SLC4A4: variants seen among roughly 807,000 people sequenced by gnomAD.
SLC4A4 encodes the protein electrogenic sodium bicarbonate cotransporter 1.
A neutral mutation model predicts 111.5 loss-of-function variants in SLC4A4; 27 were observed. The ratio of observed to expected loss-of-function variants is 0.24; its 90% CI spans 0.18 to 0.33. The LOEUF (loss-of-function observed/expected upper bound fraction) is 0.33. Among genes scored for constraint, SLC4A4 ranks in the 10% least tolerant of loss-of-function variants. The probability of loss-of-function intolerance (pLI) is 1.00; values close to 1 mark genes in which losing one functional copy is unlikely to be tolerated. For missense variants in SLC4A4, 909 were observed against 1,315.5 expected, an observed-to-expected ratio of 0.69 and a Z score of 4.78; for synonymous variants, 443 against 463.4, an observed-to-expected ratio of 0.96 and a Z score of 0.57.
At chr4:71,302,813 G>A (rs986516875) in intron 3 of SLC4A4, among the ~76,000 whole-genome samples, 3 of 152,172 alleles carry the variant, frequency 2.0e-5, no homozygotes, top group African/African-American at 7.2e-5. Context: ...TAGGAAAAGA[G>A]GATAATGTCA....
At position 71,087,671 on chromosome 4, in the gene SLC4A4, T is replaced by G. The variant is rs1005404221; in HGVS notation, c.-64-5059T>G. On this transcript the variant is annotated intron_variant, in intron 1 of 26. Coordinates refer to the SLC4A4 transcript ENST00000649996. ...CTTCATTTTGTTATGTACCCAGTAG[T>G]CATTCAGGAGCAGGTTGTTCAGTTT... 3.3e-5 allele frequency among the ~76,000 whole-genome samples: 5 copies of G among 152,232 alleles called. No homozygotes were observed. The Middle Eastern group carries it at 0.01, about 311-fold the overall frequency.
chr4:71,274,976 G>GT (rs11394006), intron 3 of SLC4A4, among the ~76,000 whole-genome samples: 8,814 of 150,770 alleles, frequency 0.058, 733 homozygotes, highest in African/African-American at 0.18. Context: ...TGAAGATTCT[G>GT]TTTTTTTTTC....
intron 2 of SLC4A4, among the ~76,000 whole-genome samples, chr4:71,117,876 C>CT (rs35554188): frequency 0.014 from 819 of 58,646 alleles, 11 homozygotes; most frequent in African/African-American, 0.027. Context: ...AATACATTTT[C>CT]TTTTTTTTTT....
intron 2 of SLC4A4, among the ~76,000 whole-genome samples, chr4:71,134,707 C>G (rs745703390): frequency 6.6e-6 from 1 of 152,202 alleles, no homozygotes; most frequent in African/African-American, 2.4e-5. Flanking sequence ...CTCAGTAGCG[C>G]TGAGCTTTGG....
chr4:71,416,551 T>A (rs1252807558), intron 7 of SLC4A4, among the ~76,000 whole-genome samples: 2 of 152,204 alleles, frequency 1.3e-5, no homozygotes, highest in East Asian at 3.8e-4. Context: ...GGGGAATTTC[T>A]AAATCTCAAT....
chr4:71,270,785 C>T (rs1473269795), intron 3 of SLC4A4, among the ~76,000 whole-genome samples: 1 of 152,194 alleles, frequency 6.6e-6, no homozygotes. Context: ...CTCCCCTCAA[C>T]CTTTCCTTGC....
At chr4:71,379,233 T>C (rs1456787329) in intron 6 of SLC4A4, among the ~76,000 whole-genome samples, 2 of 152,228 alleles carry the variant, frequency 1.3e-5, no homozygotes, top group Non-Finnish European at 2.9e-5. Context: ...CTAGCCTGGC[T>C]AATACTTATA....
In SLC4A4 at chr4:71,327,887, T is replaced by C. The variant is rs1037165400; in HGVS notation, c.254-11483T>C. 5.3e-5 allele frequency among the ~76,000 whole-genome samples: 8 copies of C among 152,038 alleles called. No individual in the cohort carries two copies. The East Asian group carries it at 1.4e-3, about 26-fold the overall frequency. On this transcript the variant is annotated intron_variant, in intron 3 of 25. Coordinates refer to ENST00000264485, the MANE Select transcript of SLC4A4 (RefSeq NM_001098484.3). ...AAAATGTACAATAAATAATTATTCA[T>C]TGTAGTCACCCTATTGTGCTATCAA...
At chr4:71,332,164 A>T (rs1728054211) in intron 3 of SLC4A4, among the ~76,000 whole-genome samples, 1 of 151,790 alleles carries the variant, frequency 6.6e-6, no homozygotes, top group African/African-American at 2.4e-5. Context: ...TTAAAATTTC[A>T]TTTATTCATG....
At chr4:71,135,027 C>T (rs1016948769) in intron 2 of SLC4A4, among the ~76,000 whole-genome samples, 3 of 152,112 alleles carry the variant, frequency 2.0e-5, no homozygotes, top group Admixed American at 6.5e-5. Flanking sequence ...ATGAGTCCAT[C>T]GCTGGGCTCC....
intron 3 of SLC4A4, among the ~76,000 whole-genome samples, chr4:71,267,380 A>G (rs940718613): frequency 1.3e-5 from 2 of 152,220 alleles, no homozygotes; most frequent in Non-Finnish European, 2.9e-5. Flanking sequence ...AGTGAAAAAA[A>G]TACTGCAGGT....
At chr4:71,072,151 G>A (rs1055626118) in intron 1 of SLC4A4, among the ~76,000 whole-genome samples, 1 of 152,012 alleles carries the variant, frequency 6.6e-6, no homozygotes, top group Non-Finnish European at 1.5e-5. Context: ...ACTTAGGAAG[G>A]TCTTCCCTAC....
chr4:71,092,474 A>G (rs191469056), intron 1 of SLC4A4, among the ~76,000 whole-genome samples: 1 of 152,342 alleles, frequency 6.6e-6, no homozygotes, highest in East Asian at 1.9e-4. Flanking sequence ...ATTTGTCGAG[A>G]CAGTTTCCTA....
intron 7 of SLC4A4, among the ~76,000 whole-genome samples, chr4:71,423,927 A>G (rs1440065005): frequency 6.6e-6 from 1 of 152,200 alleles, no homozygotes; most frequent in East Asian, 1.9e-4. Flanking sequence ...GGACATAGGC[A>G]TGGGCAAGGA....
intron 17 of SLC4A4, among the ~76,000 whole-genome samples, chr4:71,533,142 G>GAT (rs1734085923): frequency 6.6e-6 from 1 of 152,060 alleles, no homozygotes; most frequent in Non-Finnish European, 1.5e-5. Context: ...ATGAGGAAGG[G>GAT]ATATATATGT....
At chr4:71,433,765 TAAAC>T (rs1431431691) in intron 7 of SLC4A4, among the ~76,000 whole-genome samples, 2 of 152,098 alleles carry the variant, frequency 1.3e-5, no homozygotes, top group Non-Finnish European at 2.9e-5. Context: ...TTATACATAT[TAAAC>T]AATCTCAAAT....
intron 22 of SLC4A4, 116 bp from the exon 23 acceptor site, chr4:71,559,977 C>T (rs902457549): frequency 1.3e-5 from 10 of 796,238 alleles, no homozygotes; most frequent in Non-Finnish European, 2.0e-5. Flanking sequence ...GTCTGTCATA[C>T]TCTATCTAGC....
chr4:71,159,948 A>G (rs969940968), intron 2 of SLC4A4, among the ~76,000 whole-genome samples: 10 of 152,158 alleles, frequency 6.6e-5, no homozygotes, highest in Non-Finnish European at 1.3e-4. Flanking sequence ...TTTCTATAGT[A>G]TAGTTCAGAA....
chr4:71,344,652 C>A (rs777872599), intron 4 of SLC4A4, among the ~76,000 whole-genome samples: 2 of 152,116 alleles, frequency 1.3e-5, no homozygotes, highest in African/African-American at 2.4e-5. Context: ...TGTTATAAAT[C>A]TACAGCCCAC....
Sources: gnomAD v4.1 joint callset for allele counts (sites outside exome capture counted in the v4.1 genomes callset) on GRCh38, gnomAD v4.1.1 for gene constraint, MANE v1.5 for transcripts, NCBI Gene and HGNC (gene_info 2026-07-23, HGNC 2026-07-21) for gene names.